The following PRELID2 variants were observed in gnomAD, a reference collection of about 807,000 sequenced individuals.
The protein encoded by PRELID2 is PRELI domain containing 2.
Under a neutral mutation model 28.4 loss-of-function variants are expected in PRELID2, and 25 were observed. The observed-to-expected ratio is 0.88, with a 90% CI of 0.64 to 1.23. The LOEUF is 1.23. Ranked by LOEUF, PRELID2 falls within the 50% of genes most tolerant of loss-of-function variation. PRELID2 has a pLI of 0.00. For synonymous variants in PRELID2, 76 were observed against 71.6 expected (o/e 1.06, Z -0.31); for missense variants, 201 against 214.4 (o/e 0.94, Z 0.39).
At chr5:145,625,806 T>C (rs1753837550) in intron 1 of PRELID2, among the ~76,000 whole-genome samples, 1 of 152,154 alleles carries the variant, frequency 6.6e-6, no homozygotes, top group Non-Finnish European at 1.5e-5. Flanking sequence ...ATTACAATGT[T>C]AAAAAGGACT....
chr5:145,253,103 T>C, the PRELID2 span, among the ~76,000 whole-genome samples: 1 of 152,056 alleles, frequency 6.6e-6, no homozygotes, highest in Non-Finnish European at 1.5e-5. Context: ...TAAAGGAAAA[T>C]ATCAAGTTGG....
chr5:145,745,262 C>G (rs1435830739), intron 1 of PRELID2, among the ~76,000 whole-genome samples: 1 of 152,140 alleles, frequency 6.6e-6, no homozygotes, highest in African/African-American at 2.4e-5. Flanking sequence ...AGATGCGGAG[C>G]ATGGAAACAA....
chr5:145,369,433 C>G, the PRELID2 span, among the ~76,000 whole-genome samples: 1 of 151,996 alleles, frequency 6.6e-6, no homozygotes, highest in African/African-American at 2.4e-5. Flanking sequence ...CATCCATGTT[C>G]CTGCAAAGGA....
the PRELID2 span, among the ~76,000 whole-genome samples, chr5:145,281,201 C>A: frequency 2.6e-5 from 4 of 152,154 alleles, no homozygotes; most frequent in Admixed American, 2.0e-4. Flanking sequence ...TCTGCTAGGT[C>A]CAAATATCCA....
At chr5:145,229,713 T>C in the PRELID2 span, 2 of 756,654 alleles carry the variant, frequency 2.6e-6, no homozygotes, top group South Asian at 2.7e-5. Context: ...CATCAAGGTC[T>C]TCACCACAGA....
In PRELID2 at chr5:145,676,011, A is replaced by T. The variant is rs151237351; in HGVS notation, n.70+88920T>A. ...CAAGGCGGTTGGATCACCTGAGGTC[A>T]GGAATTTGAGACCAGCCTGACCAAC... On this transcript the variant is annotated intron_variant and non_coding_transcript_variant, in intron 1 of 2. Transcript: ENST00000510259. Among the ~76,000 whole-genome samples the T allele has an allele frequency of 4.8e-3, 737 of 152,130 alleles. 6 individuals carry two copies. The highest frequency in any genetic ancestry group is 0.016 in the African/African-American group (663 of 41,516).
the PRELID2 span, among the ~76,000 whole-genome samples, chr5:145,304,616 A>G: frequency 1.9e-3 from 284 of 152,302 alleles, no homozygotes; most frequent in Non-Finnish European, 3.2e-3. Context: ...AGCCTAGATT[A>G]CAACCCAAGT....
chr5:145,724,640 TATATATA>T (rs1561559062), intron 1 of PRELID2, among the ~76,000 whole-genome samples: 1 of 121,620 alleles, frequency 8.2e-6, no homozygotes, highest in African/African-American at 3.0e-5. Flanking sequence ...TATATATATA[TATATATA>T]ATGCCTGTAA....
downstream of PRELID2, among the ~76,000 whole-genome samples, chr5:145,470,601 G>A (rs1405525691): frequency 2.0e-5 from 3 of 152,022 alleles, no homozygotes; most frequent in Non-Finnish European, 4.4e-5. Flanking sequence ...GATAGAGCAG[G>A]GATACACCAC....
the PRELID2 span, among the ~76,000 whole-genome samples, chr5:145,258,001 C>A: frequency 6.6e-6 from 1 of 152,126 alleles, no homozygotes; most frequent in Non-Finnish European, 1.5e-5. Flanking sequence ...TGCAGCACAT[C>A]CCCCTTCACT....
At chr5:145,768,152 G>A (rs967591848) in intron 5 of PRELID2, among the ~76,000 whole-genome samples, 1 of 150,970 alleles carries the variant, frequency 6.6e-6, no homozygotes, top group African/African-American at 2.4e-5. Context: ...TTGAACCAGG[G>A]AGGCAAAGGT....
chr5:145,416,081 T>A, the PRELID2 span, among the ~76,000 whole-genome samples: 1 of 152,110 alleles, frequency 6.6e-6, no homozygotes, highest in Admixed American at 6.5e-5. Context: ...AATGTCTTCT[T>A]TTGAGAAGTG....
intron 1 of PRELID2, among the ~76,000 whole-genome samples, chr5:145,546,572 C>T (rs1316310775): frequency 1.3e-5 from 2 of 152,090 alleles, no homozygotes; most frequent in Non-Finnish European, 1.5e-5. Context: ...ATTGTATGAA[C>T]ATACCAGAGA....
the PRELID2 span, among the ~76,000 whole-genome samples, chr5:145,373,788 A>T: frequency 8.1e-5 from 6 of 74,204 alleles, no homozygotes; most frequent in Admixed American, 1.9e-4. Context: ...AATATATATG[A>T]TATAATATAT....
At chr5:145,251,511 T>C in the PRELID2 span, among the ~76,000 whole-genome samples, 3 of 152,106 alleles carry the variant, frequency 2.0e-5, no homozygotes, top group African/African-American at 4.8e-5. Context: ...ACTACAAATA[T>C]TGTAGAAGAG....
chr5:145,710,340 T>C (rs1156476683), intron 1 of PRELID2, among the ~76,000 whole-genome samples: 2 of 152,222 alleles, frequency 1.3e-5, no homozygotes, highest in Admixed American at 6.5e-5. Flanking sequence ...TGTGGGATAT[T>C]TTCCCAAGTG....
At chr5:145,322,904 C>T in the PRELID2 span, among the ~76,000 whole-genome samples, 1 of 152,002 alleles carries the variant, frequency 6.6e-6, no homozygotes, top group African/African-American at 2.4e-5. Context: ...TTGTTTGAAC[C>T]CGGAAGGCGG....
chr5:145,633,496 C>T (rs1388487859), intron 1 of PRELID2, among the ~76,000 whole-genome samples: 1 of 152,148 alleles, frequency 6.6e-6, no homozygotes, highest in Non-Finnish European at 1.5e-5. Flanking sequence ...TGGCCAGCAA[C>T]AGAGAGAATA....
intron 1 of PRELID2, among the ~76,000 whole-genome samples, chr5:145,706,321 ACTCAG>A (rs1362993943): frequency 1.3e-5 from 2 of 152,272 alleles, no homozygotes; most frequent in Non-Finnish European, 2.9e-5. Context: ...TTATGAAGAA[ACTCAG>A]CATCTAATTC....
Sources: allele counts gnomAD v4.1 joint callset (sites outside exome capture counted in the v4.1 genomes callset), GRCh38; gene constraint gnomAD v4.1.1; transcripts MANE v1.5; gene names NCBI Gene and HGNC (gene_info 2026-07-23, HGNC 2026-07-21).